The following TRABD2B variants were observed in gnomAD, a reference collection of about 807,000 sequenced individuals.
TRABD2B encodes the protein TraB domain containing 2B.
TRABD2B carries 14 observed loss-of-function variants against 40.1 expected under a neutral mutation model. The observed-to-expected ratio is 0.35, with a 90% confidence interval of 0.23 to 0.55. The LOEUF (loss-of-function observed/expected upper bound fraction) is 0.55. Among genes scored for constraint, TRABD2B ranks in the 20% least tolerant of loss-of-function variants. TRABD2B has a pLI of 0.90. For synonymous variants in TRABD2B, 263 were observed against 277.0 expected (o/e 0.95, Z 0.50); for missense variants, 541 against 648.6 (o/e 0.83, Z 1.80).
chr1:47,856,091 C>T (rs1643887033), intron 2 of TRABD2B, among the ~76,000 whole-genome samples: 1 of 152,228 alleles, frequency 6.6e-6, no homozygotes, highest in Non-Finnish European at 1.5e-5. Context: ...AAGCCACTTT[C>T]TAAGCATGAG....
At chr1:47,885,535 G>A (rs1011240007) in intron 2 of TRABD2B, among the ~76,000 whole-genome samples, 1 of 152,200 alleles carries the variant, frequency 6.6e-6, no homozygotes, top group Non-Finnish European at 1.5e-5. Context: ...TCCACATACA[G>A]GTCCTCTGTT....
At chr1:47,846,361 T>C (rs193195181) in intron 2 of TRABD2B, among the ~76,000 whole-genome samples, 1 of 152,368 alleles carries the variant, frequency 6.6e-6, no homozygotes, top group African/African-American at 2.4e-5. Flanking sequence ...TGAAATGAGC[T>C]AGACTTACTC....
chr1:47,938,935 CAGACAG>C (rs5773976), intron 2 of TRABD2B, among the ~76,000 whole-genome samples: 151,656 of 151,716 alleles, frequency 1, 75,798 homozygotes, highest in Middle Eastern at 1. Flanking sequence ...GTGCATGAGA[CAGACAG>C]AGACAGAGAC....
At chr1:47,879,775 A>G (rs1644276043) in intron 2 of TRABD2B, among the ~76,000 whole-genome samples, 1 of 152,262 alleles carries the variant, frequency 6.6e-6, no homozygotes, top group Admixed American at 6.5e-5. Context: ...AAGGAGGCCA[A>G]GAAGGGCCAG....
At chr1:47,937,418 C>A (rs1645127359) in intron 2 of TRABD2B, among the ~76,000 whole-genome samples, 1 of 152,090 alleles carries the variant, frequency 6.6e-6, no homozygotes, top group Admixed American at 6.5e-5. Flanking sequence ...CTACTACCAT[C>A]ATGATCATCA....
chr1:47,780,590 GGCCTCTAAGCCA>G (rs1213189815), intron 4 of TRABD2B, among the ~76,000 whole-genome samples: 1 of 152,166 alleles, frequency 6.6e-6, no homozygotes, highest in Non-Finnish European at 1.5e-5. Context: ...GCACACAGGA[GGCCTCTAAGCCA>G]GCCTGGGGTC....
rs542983743 is a variant in TRABD2B at position 47,960,513 on chromosome 1, A to G, written c.666+33521T>C. ...CCTTAAGCTGATAAGCAATTTCAGC[A>G]AAGTCTCAGGATACAAAATCAATGT... On this transcript the variant is annotated intron_variant, in intron 2 of 6. Coordinates refer to ENST00000606738, the MANE Select transcript of TRABD2B (RefSeq NM_001194986.2). Among the ~76,000 whole-genome samples the G allele has an allele frequency of 1.7e-4, 26 of 152,368 alleles. No individual in the cohort carries two copies. The South Asian group carries it at 5.2e-3, about 30-fold the overall frequency.
chr1:47,821,559 G>C (rs1476467868), intron 2 of TRABD2B, among the ~76,000 whole-genome samples: 1 of 152,136 alleles, frequency 6.6e-6, no homozygotes, highest in Admixed American at 6.5e-5. Flanking sequence ...GATGCTCAGG[G>C]CTGTGCCATG....
intron 2 of TRABD2B, among the ~76,000 whole-genome samples, chr1:47,859,600 T>C (rs1643936450): frequency 6.6e-6 from 1 of 152,232 alleles, no homozygotes; most frequent in Non-Finnish European, 1.5e-5. Context: ...GGTTTGTGCA[T>C]GCACCAGCAG....
chr1:47,858,333 C>T (rs1355063262), intron 2 of TRABD2B, among the ~76,000 whole-genome samples: 1 of 151,962 alleles, frequency 6.6e-6, no homozygotes, highest in Non-Finnish European at 1.5e-5. Flanking sequence ...TCACAGCTCA[C>T]TGCAACCTCA....
chr1:47,876,804 C>T (rs185849930), intron 2 of TRABD2B, among the ~76,000 whole-genome samples: 5 of 152,314 alleles, frequency 3.3e-5, no homozygotes, highest in Admixed American at 2.6e-4. Context: ...TATATACGCA[C>T]ATACTAAGCA....
chr1:47,870,888 A>G (rs916836558), intron 2 of TRABD2B, among the ~76,000 whole-genome samples: 3 of 152,204 alleles, frequency 2.0e-5, no homozygotes, highest in Admixed American at 1.3e-4. Context: ...CAGACCAGGA[A>G]GGGCATTTAG....
chr1:47,934,510 G>C (rs1330970075), intron 2 of TRABD2B, among the ~76,000 whole-genome samples: 1 of 152,276 alleles, frequency 6.6e-6, no homozygotes, highest in Non-Finnish European at 1.5e-5. Context: ...GGCGGGCCCA[G>C]AGCCTGCTAG....
intron 3 of TRABD2B, among the ~76,000 whole-genome samples, chr1:47,798,200 T>C (rs1644773940): frequency 1.3e-5 from 2 of 152,202 alleles, no homozygotes; most frequent in Admixed American, 1.3e-4. Flanking sequence ...GAGGAATGTG[T>C]GAGCCCAGAG....
intron 2 of TRABD2B, among the ~76,000 whole-genome samples, chr1:47,968,338 G>C (rs1399718074): frequency 6.6e-6 from 1 of 152,060 alleles, no homozygotes; most frequent in Non-Finnish European, 1.5e-5. Flanking sequence ...CTGCTCCTAC[G>C]ACAACCACTA....
chr1:47,900,760 A>AT (rs2124678576), intron 2 of TRABD2B, among the ~76,000 whole-genome samples: 1 of 151,664 alleles, frequency 6.6e-6, no homozygotes, highest in African/African-American at 2.4e-5. Context: ...ACCTGATGCC[A>AT]AGGCCTAGTT....
intron 4 of TRABD2B, among the ~76,000 whole-genome samples, chr1:47,786,734 G>A (rs1412801268): frequency 6.6e-6 from 1 of 151,992 alleles, no homozygotes; most frequent in Non-Finnish European, 1.5e-5. Flanking sequence ...TAGAGATGAG[G>A]GTCTCACTCT....
chr1:47,892,697 T>C (rs1644464845), intron 2 of TRABD2B, among the ~76,000 whole-genome samples: 1 of 151,966 alleles, frequency 6.6e-6, no homozygotes, highest in Non-Finnish European at 1.5e-5. Context: ...TGCTGATGGG[T>C]TGAGAAAGAT....
At chr1:47,815,696 G>A (rs1182801599) in intron 2 of TRABD2B, among the ~76,000 whole-genome samples, 2 of 152,168 alleles carry the variant, frequency 1.3e-5, no homozygotes, top group Admixed American at 6.5e-5. Context: ...GCAGGCCAGA[G>A]CTTCTTTCAA....
Sources: allele counts gnomAD v4.1 joint callset (sites outside exome capture counted in the v4.1 genomes callset), GRCh38; gene constraint gnomAD v4.1.1; transcripts MANE v1.5; gene names NCBI Gene and HGNC (gene_info 2026-07-23, HGNC 2026-07-21).